LINGO2: variants seen among roughly 807,000 people sequenced by gnomAD.
LINGO2 encodes leucine rich repeat and Ig domain containing 2, also known as leucine-rich repeat and immunoglobulin-like domain-containing nogo receptor-interacting protein 2.
A neutral mutation model predicts 30.6 loss-of-function variants in LINGO2; 14 were observed. That is an observed-to-expected ratio of 0.46 (90% confidence interval 0.30 to 0.72). The LOEUF (loss-of-function observed/expected upper bound fraction) is 0.72, where lower values mean the gene tolerates loss of function less well. Ranked by LOEUF, LINGO2 falls within the 30% of genes least tolerant of loss-of-function variation. The probability of loss-of-function intolerance (pLI) is 0.07; values close to 1 mark genes in which losing one functional copy is unlikely to be tolerated. For missense variants in LINGO2, 729 were observed against 751.7 expected (o/e 0.97, Z 0.35); for synonymous variants, 317 against 288.5 (o/e 1.10, Z -1.00).
intron 3 of LINGO2, among the ~76,000 whole-genome samples, chr9:28,302,124 C>T (rs72709366): frequency 6.6e-6 from 1 of 152,268 alleles, no homozygotes; most frequent in Non-Finnish European, 1.5e-5. Flanking sequence ...TATAAAAACA[C>T]AGTAAATACA....
the LINGO2 span, among the ~76,000 whole-genome samples, chr9:28,785,265 T>C: frequency 6.6e-6 from 1 of 152,110 alleles, no homozygotes; most frequent in African/African-American, 2.4e-5. Context: ...ATTTTAGATA[T>C]AAACTCAATG....
At chr9:28,164,518 G>T (rs1472926209) in intron 4 of LINGO2, among the ~76,000 whole-genome samples, 1 of 152,116 alleles carries the variant, frequency 6.6e-6, no homozygotes, top group Non-Finnish European at 1.5e-5. Flanking sequence ...CAGCTAGAAA[G>T]GTAATCCAGG....
intron 1 of LINGO2, among the ~76,000 whole-genome samples, chr9:28,512,409 C>T (rs1208925032): frequency 6.6e-6 from 1 of 151,416 alleles, no homozygotes; most frequent in Non-Finnish European, 1.5e-5. Context: ...AAACAGCATC[C>T]CTATCTGCCA....
chr9:28,132,500 G>A (rs570205387), intron 4 of LINGO2, among the ~76,000 whole-genome samples: 1 of 152,292 alleles, frequency 6.6e-6, no homozygotes. Flanking sequence ...TATAACCATT[G>A]CAGGTACTTC....
intron 1 of LINGO2, among the ~76,000 whole-genome samples, chr9:28,668,546 A>AT (rs546987575): frequency 3.8e-4 from 57 of 151,758 alleles, no homozygotes; most frequent in Non-Finnish European, 7.7e-4. Context: ...CTTTCAGCTG[A>AT]TAAAAAAAAA....
At chr9:28,226,612 TAAGAAGGA>T (rs772929039) in intron 4 of LINGO2, among the ~76,000 whole-genome samples, 5,263 of 107,030 alleles carry the variant, frequency 0.049, 414 homozygotes, top group Non-Finnish European at 0.062. Context: ...AAGAAAAAGG[TAAGAAGGA>T]AAGAAGGAAA....
the LINGO2 span, among the ~76,000 whole-genome samples, chr9:28,761,357 G>A: frequency 6.6e-6 from 1 of 151,814 alleles, no homozygotes; most frequent in Non-Finnish European, 1.5e-5. Context: ...GAGCTATTGA[G>A]CACCCATGGG....
At chr9:29,103,740 T>C in the LINGO2 span, among the ~76,000 whole-genome samples, 8 of 152,130 alleles carry the variant, frequency 5.3e-5, no homozygotes, top group Admixed American at 2.6e-4. Context: ...TATCCAGAAA[T>C]TGGGGAAGTT....
At chr9:28,383,687 A>G (rs940198771) in intron 2 of LINGO2, among the ~76,000 whole-genome samples, 26 of 152,248 alleles carry the variant, frequency 1.7e-4, no homozygotes, top group African/African-American at 5.3e-4. Context: ...TGTTAATGAC[A>G]TTTAGTAATG....
intron 4 of LINGO2, among the ~76,000 whole-genome samples, chr9:28,192,011 A>G (rs1435587908): frequency 6.6e-6 from 1 of 152,058 alleles, no homozygotes; most frequent in Non-Finnish European, 1.5e-5. Context: ...CTCCACTTGA[A>G]AGCCCGACTT....
At chr9:28,198,788 A>G (rs182171366) in intron 4 of LINGO2, among the ~76,000 whole-genome samples, 35 of 152,240 alleles carry the variant, frequency 2.3e-4, no homozygotes, top group Admixed American at 1.8e-3. Context: ...CAGCTCAGTA[A>G]AGTTTAGGAC....
At chr9:28,747,754 C>T in the LINGO2 span, among the ~76,000 whole-genome samples, 12 of 148,040 alleles carry the variant, frequency 8.1e-5, no homozygotes, top group Admixed American at 8.5e-4. Context: ...TATAGCAATC[C>T]CTATAAAACA....
the LINGO2 span, among the ~76,000 whole-genome samples, chr9:28,806,461 C>A: frequency 6.6e-6 from 1 of 152,084 alleles, no homozygotes; most frequent in Non-Finnish European, 1.5e-5. Context: ...TCATCCCCAG[C>A]CTACTAATTT....
intron 4 of LINGO2, among the ~76,000 whole-genome samples, chr9:28,191,199 C>T (rs891942014): frequency 6.6e-6 from 1 of 152,164 alleles, no homozygotes; most frequent in Non-Finnish European, 1.5e-5. Context: ...TGACAAGAAA[C>T]ATTTTTGTGT....
chr9:28,304,448 T>C (rs1824266806), intron 3 of LINGO2, among the ~76,000 whole-genome samples: 1 of 151,912 alleles, frequency 6.6e-6, no homozygotes, highest in African/African-American at 2.4e-5. Context: ...ATGTATACAC[T>C]TGGATCAGTT....
the LINGO2 span, among the ~76,000 whole-genome samples, chr9:28,744,611 TG>T: frequency 0.028 from 3,703 of 133,948 alleles, 573 homozygotes; most frequent in Middle Eastern, 0.059. Context: ...ATTCCCCTCG[TG>T]TGTGTGTGTG....
At chr9:28,224,713 A>G (rs750986260) in intron 4 of LINGO2, among the ~76,000 whole-genome samples, 4 of 152,162 alleles carry the variant, frequency 2.6e-5, no homozygotes, top group Admixed American at 1.3e-4. Context: ...TCTTCATGAA[A>G]TATAGCTTTT....
At chr9:29,032,551 T>C in the LINGO2 span, among the ~76,000 whole-genome samples, 1 of 152,322 alleles carries the variant, frequency 6.6e-6, no homozygotes, top group East Asian at 1.9e-4. Flanking sequence ...AATTTCTTAC[T>C]GGGAGTCACT....
chr9:28,833,231 C>CAT, the LINGO2 span, among the ~76,000 whole-genome samples: 1 of 152,224 alleles, frequency 6.6e-6, no homozygotes, highest in South Asian at 2.1e-4. Flanking sequence ...TGACTTTTGC[C>CAT]ATATATATAC....
Sources: allele counts gnomAD v4.1 joint callset (sites outside exome capture counted in the v4.1 genomes callset), GRCh38; gene constraint gnomAD v4.1.1; transcripts MANE v1.5; gene names NCBI Gene and HGNC (gene_info 2026-07-23, HGNC 2026-07-21).